Variants in CNTN5 observed in about 807,000 individuals in gnomAD.
CNTN5 encodes the protein contactin-5.
Under a neutral mutation model 129.1 loss-of-function variants are expected in CNTN5, and 77 were observed. The ratio of observed to expected loss-of-function variants is 0.60; its 90% CI spans 0.50 to 0.72. The LOEUF is 0.72. Among genes scored for constraint, CNTN5 ranks in the 30% least tolerant of loss-of-function variants. The pLI is 0.00. For missense variants in CNTN5, 1,478 were observed against 1,328.8 expected (o/e 1.11, Z -1.75); for synonymous variants, 509 against 465.6 (o/e 1.09, Z -1.20).
intron 1 of CNTN5, among the ~76,000 whole-genome samples, chr11:99,193,562 T>A (rs1480344540): frequency 5.3e-5 from 8 of 152,110 alleles, no homozygotes; most frequent in African/African-American, 1.9e-4. Flanking sequence ...TATGGTAACA[T>A]GTCCTTCACT....
chr11:99,227,869 T>C lies in CNTN5; in HGVS notation c.-209-97477T>C, dbSNP rs1452014137. On this transcript the variant is annotated intron_variant, in intron 1 of 24. Transcript: ENST00000524871. ...TTTTATTTAGCTTATAGATTTATGA[T>C]GTAGTTACACTTAAATATACGTGAG... Among the ~76,000 whole-genome samples, 6 of 152,208 alleles carry C rather than the reference T, an allele frequency of 3.9e-5. No homozygotes were observed. The East Asian group carries it at 5.8e-4, about 15-fold the overall frequency.
chr11:100,023,268 T>A (rs1941256232), intron 9 of CNTN5, among the ~76,000 whole-genome samples: 1 of 152,212 alleles, frequency 6.6e-6, no homozygotes, highest in Admixed American at 6.5e-5. Flanking sequence ...TTTCGCAATA[T>A]TTGATCTTCT....
intron 17 of CNTN5, among the ~76,000 whole-genome samples, chr11:100,259,026 T>C (rs1950140326): frequency 6.6e-6 from 1 of 152,072 alleles, no homozygotes; most frequent in Non-Finnish European, 1.5e-5. Flanking sequence ...TCAAGACCCA[T>C]CAGTGTGCTG....
At chr11:100,092,312 T>G (rs372100445) in intron 13 of CNTN5, among the ~76,000 whole-genome samples, 1 of 152,148 alleles carries the variant, frequency 6.6e-6, no homozygotes, top group Admixed American at 6.6e-5. Context: ...TTTTCTCATC[T>G]TTACTTCATT....
chr11:100,273,474 C>A (rs570505033), intron 18 of CNTN5, among the ~76,000 whole-genome samples: 1 of 152,264 alleles, frequency 6.6e-6, no homozygotes, highest in South Asian at 2.1e-4. Context: ...CAAGCCCTGT[C>A]CCAACAAGTA....
intron 13 of CNTN5, among the ~76,000 whole-genome samples, chr11:100,111,408 A>T (rs984607006): frequency 1.7e-4 from 26 of 152,192 alleles, no homozygotes; most frequent in African/African-American, 6.3e-4. Context: ...ATGTCAGCCA[A>T]CCAAGTTATC....
intron 6 of CNTN5, among the ~76,000 whole-genome samples, chr11:99,896,434 T>C (rs1219184087): frequency 6.6e-6 from 1 of 152,142 alleles, no homozygotes; most frequent in East Asian, 1.9e-4. Flanking sequence ...GTCACTTTCA[T>C]GTACCTCCAG....
intron 3 of CNTN5, among the ~76,000 whole-genome samples, chr11:99,705,069 G>A (rs187341728): frequency 0.013 from 1,990 of 151,380 alleles, 38 homozygotes; most frequent in African/African-American, 0.045. Flanking sequence ...AAAATTAGCT[G>A]TATCTTCCAA....
intron 21 of CNTN5, among the ~76,000 whole-genome samples, chr11:100,326,918 T>C (rs1951800188): frequency 6.6e-6 from 1 of 152,140 alleles, no homozygotes; most frequent in Non-Finnish European, 1.5e-5. Context: ...AAATTGAGAA[T>C]GTGATTGAAC....
intron 3 of CNTN5, among the ~76,000 whole-genome samples, chr11:99,783,291 A>G (rs1945383380): frequency 1.1e-5 from 1 of 87,658 alleles, no homozygotes; most frequent in African/African-American, 4.4e-5. Flanking sequence ...CACCAGTTAG[A>G]ATGGCAATCA....
intron 3 of CNTN5, among the ~76,000 whole-genome samples, chr11:99,573,105 A>C (rs1280247876): frequency 6.6e-6 from 1 of 152,198 alleles, no homozygotes; most frequent in Non-Finnish European, 1.5e-5. Context: ...TTAATACACT[A>C]GAATCAGTTT....
At chr11:100,022,519 A>G (rs75132957) in intron 9 of CNTN5, among the ~76,000 whole-genome samples, 1 of 152,214 alleles carries the variant, frequency 6.6e-6, no homozygotes, top group African/African-American at 2.4e-5. Context: ...CCATAGTACA[A>G]TGATACTATT....
intron 1 of CNTN5, among the ~76,000 whole-genome samples, chr11:99,081,670 G>A (rs1283615637): frequency 5.9e-5 from 9 of 152,070 alleles, no homozygotes; most frequent in Admixed American, 2.0e-4. Flanking sequence ...AAATTATTAC[G>A]TTTCTATAAA....
chr11:99,120,805 T>C (rs1411219809), intron 1 of CNTN5, among the ~76,000 whole-genome samples: 1 of 152,126 alleles, frequency 6.6e-6, no homozygotes, highest in East Asian at 1.9e-4. Context: ...TCAGATAATT[T>C]TCTGAAGATT....
At chr11:99,725,101 T>A (rs7118814) in intron 3 of CNTN5, among the ~76,000 whole-genome samples, 1 of 151,934 alleles carries the variant, frequency 6.6e-6, no homozygotes, top group African/African-American at 2.4e-5. Context: ...TTTCTAGTTG[T>A]GTAATTATCT....
intron 3 of CNTN5, among the ~76,000 whole-genome samples, chr11:99,710,155 G>T (rs1307996210): frequency 6.6e-6 from 1 of 151,734 alleles, no homozygotes; most frequent in Non-Finnish European, 1.5e-5. Flanking sequence ...CTTCCCAGTC[G>T]ATACGGTTCC....
At chr11:99,868,712 A>G (rs1375822639) in intron 6 of CNTN5, among the ~76,000 whole-genome samples, 2 of 152,212 alleles carry the variant, frequency 1.3e-5, no homozygotes, top group African/African-American at 4.8e-5. Context: ...GTAGTAAGGA[A>G]GATTGACTGT....
chr11:100,122,483 G>T (rs956574103), intron 13 of CNTN5, among the ~76,000 whole-genome samples: 26 of 151,944 alleles, frequency 1.7e-4, no homozygotes, highest in African/African-American at 5.8e-4. Context: ...ATGATATCTT[G>T]CCAGTTCTCA....
At chr11:99,056,527 G>A (rs1864631246) in intron 1 of CNTN5, among the ~76,000 whole-genome samples, 1 of 151,950 alleles carries the variant, frequency 6.6e-6, no homozygotes, top group Non-Finnish European at 1.5e-5. Context: ...CCCCAGAACT[G>A]CTGCCAGTAG....
Sources: allele counts gnomAD v4.1 joint callset (sites outside exome capture counted in the v4.1 genomes callset), GRCh38; gene constraint gnomAD v4.1.1; transcripts MANE v1.5; gene names NCBI Gene and HGNC (gene_info 2026-07-23, HGNC 2026-07-21).